CACNA1B: variants seen among roughly 807,000 people sequenced by gnomAD.
CACNA1B encodes calcium voltage-gated channel subunit alpha1 B, also known as voltage-dependent N-type calcium channel subunit alpha-1B.
CACNA1B carries 70 observed loss-of-function variants against 247.2 expected under a neutral mutation model. That is an observed-to-expected ratio of 0.28 (90% confidence interval 0.23 to 0.35). The LOEUF is 0.35. Among genes scored for constraint, CACNA1B ranks in the 10% least tolerant of loss-of-function variants. The pLI is 1.00. For missense variants in CACNA1B, 2,367 were observed against 3,197.4 expected, an observed-to-expected ratio of 0.74 and a Z score of 6.26; for synonymous variants, 1,231 against 1,294.4, an observed-to-expected ratio of 0.95 and a Z score of 1.05.
In CACNA1B at chr9:138,020,383, A is replaced by G. The variant is rs1958829602; in HGVS notation, c.2268-2628A>G. On this transcript the variant is annotated intron_variant, in intron 18 of 46. Coordinates refer to ENST00000371372, the MANE Select transcript of CACNA1B (RefSeq NM_000718.4). The surrounding 1 kb of genome is among the most constrained non-coding windows in gnomAD (Gnocchi z 4.1). ...CCTTAAAGAACCCTTTTAAACCAGG[A>G]CTTTGCCTGGATTAATCACCAGCCA... 6.6e-6 allele frequency among the ~76,000 whole-genome samples: 1 copy of G among 152,160 alleles called. No individual in the cohort carries two copies.
rs901824300 is a variant in CACNA1B, at chr9:138,084,815, G to A, written c.5094+6557G>A. 4.0e-5 allele frequency among the ~76,000 whole-genome samples: 6 copies of A among 150,734 alleles called. 1 individual carries two copies. Among genetic ancestry groups the A allele is most frequent in the African/African-American group, 1.5e-4 (6 of 40,570 alleles). On this transcript the variant is annotated intron_variant, in intron 36 of 46. Transcript: ENST00000371372. ...AAATACAAAAAAATTAGCCGGGCGC[G>A]GTGGTGGGCGCCTGTAGTCCCAGCT... is the stretch of plus-strand genomic sequence containing the variant.
At chr9:138,099,172 G>A (rs1961159043) in intron 37 of CACNA1B, among the ~76,000 whole-genome samples, 1 of 152,218 alleles carries the variant, frequency 6.6e-6, no homozygotes, top group Non-Finnish European at 1.5e-5. Context: ...TGTGTTGTGT[G>A]CGTGTTTGCA....
At chr9:138,002,356 C>T (rs7043700) in intron 15 of CACNA1B, among the ~76,000 whole-genome samples, 43,245 of 151,936 alleles carry the variant, frequency 0.28, 8,675 homozygotes, top group East Asian at 0.64. Flanking sequence ...CACAAAACTT[C>T]AGTTGGATTA....
At chr9:138,015,413 G>GCGTGGCCTGCGGAGCGGGGCC (rs1958778813) in intron 18 of CACNA1B, among the ~76,000 whole-genome samples, 1 of 151,996 alleles carries the variant, frequency 6.6e-6, no homozygotes, top group African/African-American at 2.4e-5. Flanking sequence ...GTGTTGTGCT[G>GCGTGGCCTGCGGAGCGGGGCC]AGACCTCCGA....
intron 12 of CACNA1B, among the ~76,000 whole-genome samples, chr9:137,978,214 G>A (rs1327814299): frequency 2.9e-5 from 4 of 137,400 alleles, no homozygotes; most frequent in Admixed American, 2.1e-4. Flanking sequence ...AAAGAGCAAC[G>A]GGATCACTAC....
chr9:137,934,006 A>G (rs1957635999), intron 6 of CACNA1B, among the ~76,000 whole-genome samples: 1 of 152,260 alleles, frequency 6.6e-6, no homozygotes, highest in African/African-American at 2.4e-5. Flanking sequence ...CACTTTGGTT[A>G]ATTATTACAA....
At chr9:137,886,479 AG>A (rs1327781673) in intron 3 of CACNA1B, among the ~76,000 whole-genome samples, 2 of 151,608 alleles carry the variant, frequency 1.3e-5, no homozygotes, top group African/African-American at 4.8e-5. Flanking sequence ...CCCTGCTGCC[AG>A]CCCTCCCTCC....
chr9:137,891,636 T>G lies in CACNA1B; in HGVS notation c.530+8753T>G. 4.7e-6 allele frequency: 1 copy of G among 213,728 alleles called. No homozygotes were observed. The highest frequency in any genetic ancestry group is 7.6e-5 in the South Asian group (1 of 13,242). 13.2% of individuals were successfully genotyped at this position (213,728 alleles called of 1,614,324 possible). ...CCCCTTCCTGCTCTCCTTCTCCTCCTTCACACTGGAGCGGCAGAGTTGCAG... is the reference window on the plus strand; with the variant it reads ...CCCCTTCCTGCTCTCCTTCTCCTCCGTCACACTGGAGCGGCAGAGTTGCAG... On this transcript the variant is annotated intron_variant, in intron 3 of 46. Coordinates refer to ENST00000371372, the MANE Select transcript of CACNA1B (RefSeq NM_000718.4). The surrounding 1 kb of genome is among the most constrained non-coding windows in gnomAD (Gnocchi z 4.3).
At position 137,880,070 on chromosome 9, in the gene CACNA1B, C is replaced by T. The variant is rs1956896170; in HGVS notation, c.390+911C>T. On this transcript the variant is annotated intron_variant, in intron 2 of 46. Coordinates refer to ENST00000371372, the MANE Select transcript of CACNA1B (RefSeq NM_000718.4). The surrounding 1 kb of genome is among the most constrained non-coding windows in gnomAD (Gnocchi z 4.8). ...GGAGCTGCTCCCTCTTCCCTTAAGC[C>T]TGGCTTCCGCCCCCACTAGCATCCT... Among the ~76,000 whole-genome samples the T allele has an allele frequency of 6.6e-6, 1 of 152,216 alleles. No homozygotes were observed. The highest frequency in any genetic ancestry group is 2.4e-5 in the African/African-American group (1 of 41,436).
At chr9:138,113,831 C>G (rs1383225600) in intron 40 of CACNA1B, among the ~76,000 whole-genome samples, 1 of 142,720 alleles carries the variant, frequency 7.0e-6, no homozygotes, top group African/African-American at 2.7e-5. Flanking sequence ...GGGAGGTGCC[C>G]AACTCCATCT....
At chr9:137,988,726 A>T (rs1265761839) in intron 15 of CACNA1B, among the ~76,000 whole-genome samples, 1 of 152,164 alleles carries the variant, frequency 6.6e-6, no homozygotes, top group Non-Finnish European at 1.5e-5. Context: ...TGGGAGTCTG[A>T]GTTCCATGGC....
At chr9:138,117,289 G>GT (rs66473437) in intron 42 of CACNA1B, among the ~76,000 whole-genome samples, 5 of 8,716 alleles carry the variant, frequency 5.7e-4, no homozygotes, top group African/African-American at 1.2e-3. Flanking sequence ...TGGCTTGGGG[G>GT]GGGGGTCAGA....
intron 36 of CACNA1B, among the ~76,000 whole-genome samples, chr9:138,094,457 A>AAAGAAGAAG (rs1554757332): frequency 4.5e-4 from 61 of 134,730 alleles, no homozygotes; most frequent in Middle Eastern, 4.1e-3. Context: ...AAAAAAAAAA[A>AAAGAAGAAG]AAGAAGAAGA....
intron 36 of CACNA1B, among the ~76,000 whole-genome samples, chr9:138,087,713 C>CAAAAAAAAAAA (rs57138546): frequency 5.6e-5 from 2 of 35,458 alleles, no homozygotes; most frequent in Non-Finnish European, 1.3e-4. Flanking sequence ...GACTCCGTCT[C>CAAAAAAAAAAA]AAAAAAAAAA....
chr9:138,086,821 C>T (rs1960708661), intron 36 of CACNA1B, among the ~76,000 whole-genome samples: 1 of 151,262 alleles, frequency 6.6e-6, no homozygotes, highest in South Asian at 2.1e-4. Flanking sequence ...ATGGACCTAA[C>T]AGACATTTCC....
intron 3 of CACNA1B, among the ~76,000 whole-genome samples, chr9:137,900,330 C>T (rs1226278353): frequency 2.6e-5 from 4 of 152,124 alleles, no homozygotes; most frequent in Non-Finnish European, 5.9e-5. Flanking sequence ...TGGTTCCAGC[C>T]TTCCTCCCCT....
intron 18 of CACNA1B, among the ~76,000 whole-genome samples, chr9:138,019,566 G>C (rs1041558188): frequency 4.6e-5 from 7 of 150,936 alleles, no homozygotes; most frequent in South Asian, 4.2e-4. Context: ...AAGTGGCCAG[G>C]TGCAGTTAGG....
At position 138,011,001 on chromosome 9, in the gene CACNA1B, C is replaced by T. The variant is rs376569112; in HGVS notation, c.2160+924C>T. 9.2e-5 allele frequency among the ~76,000 whole-genome samples: 14 copies of T among 152,184 alleles called. No individual in the cohort carries two copies. Among genetic ancestry groups the T allele is most frequent in the African/African-American group, 3.4e-4 (14 of 41,452 alleles). On this transcript the variant is annotated intron_variant, in intron 17 of 46. Transcript: ENST00000371372. This position sits in a 1 kb window ranked among gnomAD's most constrained non-coding sequence, Gnocchi z 4.2. The stretch of plus-strand genomic sequence containing the variant: ...CTCCAGGAGGGGGGTGTGGTCCATG[C>T]GGTGTGCCAGCTGCAGCCTGAGCCT...
At chr9:137,921,188 A>C (rs538526555) in intron 6 of CACNA1B, among the ~76,000 whole-genome samples, 1 of 152,372 alleles carries the variant, frequency 6.6e-6, no homozygotes, top group African/African-American at 2.4e-5. Flanking sequence ...TCAGAGGTCC[A>C]GTAGGAAAGC....
Sources: gnomAD v4.1 joint callset for allele counts (sites outside exome capture counted in the v4.1 genomes callset) on GRCh38, gnomAD v4.1.1 for gene constraint, Gnocchi (gnomAD v3.1) non-coding constraint, MANE v1.5 for transcripts, NCBI Gene and HGNC (gene_info 2026-07-23, HGNC 2026-07-21) for gene names.